EPS15L1: variants seen among roughly 807,000 people sequenced by gnomAD.
EPS15L1 encodes epidermal growth factor receptor substrate 15-like 1.
Under a neutral mutation model 117.1 loss-of-function variants are expected in EPS15L1, and 43 were observed. The observed-to-expected ratio is 0.37, with a 90% CI of 0.29 to 0.47. EPS15L1 has a LOEUF of 0.47. EPS15L1 is among the 20% of genes least tolerant of loss of function. EPS15L1 has a pLI of 0.99. For synonymous variants in EPS15L1, 459 were observed against 470.5 expected (o/e 0.98, Z 0.32); for missense variants, 981 against 1,164.0 (o/e 0.84, Z 2.29).
intron 22 of EPS15L1, among the ~76,000 whole-genome samples, chr19:16,369,279 G>A (rs2092186691): frequency 6.6e-6 from 1 of 152,148 alleles, no homozygotes; most frequent in African/African-American, 2.4e-5. Flanking sequence ...AGAATCTGAG[G>A]TCCCTGCGAT....
intron 1 of EPS15L1, among the ~76,000 whole-genome samples, chr19:16,459,588 C>G (rs2093229215): frequency 6.6e-6 from 1 of 152,138 alleles, no homozygotes; most frequent in Admixed American, 6.5e-5. Flanking sequence ...CCAAGCCACC[C>G]TGGGCCTCAG....
At chr19:16,392,524 GT>G (rs2144774914) in intron 18 of EPS15L1, 84 bp from the exon 19 acceptor site, 1 of 1,310,686 alleles carries the variant, frequency 7.6e-7, no homozygotes, top group East Asian at 2.3e-5. Context: ...GAATGATGCC[GT>G]TTACATGAAA....
intron 13 of EPS15L1, among the ~76,000 whole-genome samples, chr19:16,408,433 G>A (rs1229559925): frequency 6.6e-6 from 1 of 152,032 alleles, no homozygotes; most frequent in African/African-American, 2.4e-5. Context: ...AGACCAGCCT[G>A]GCTAACATGG....
At chr19:16,469,785 G>C (rs2093332930) in intron 1 of EPS15L1, among the ~76,000 whole-genome samples, 1 of 152,046 alleles carries the variant, frequency 6.6e-6, no homozygotes, top group Non-Finnish European at 1.5e-5. Context: ...AGTGTGCTCT[G>C]TCACCTAAAT....
chr19:16,382,813 C>A (rs868642869), intron 21 of EPS15L1, among the ~76,000 whole-genome samples: 1 of 152,080 alleles, frequency 6.6e-6, no homozygotes, highest in Non-Finnish European at 1.5e-5. Flanking sequence ...GCCCGAAGAG[C>A]CTCCCAAAGG....
chr19:16,457,408 C>G (rs1001802261), intron 1 of EPS15L1, among the ~76,000 whole-genome samples: 17 of 152,252 alleles, frequency 1.1e-4, no homozygotes, highest in African/African-American at 2.6e-4. Flanking sequence ...GAAGGCCCCC[C>G]CTCCATGGCT....
At chr19:16,433,604 G>C (rs1340191465) in intron 7 of EPS15L1, among the ~76,000 whole-genome samples, 2 of 152,046 alleles carry the variant, frequency 1.3e-5, no homozygotes, top group Non-Finnish European at 1.5e-5. Flanking sequence ...TGGGAGGATG[G>C]CTTCAGCCTG....
rs2092359470 is a variant in EPS15L1 at position 16,381,268 on chromosome 19, G to A, written c.2247+3861C>T. ...AAGGAAACTGAGGCACACAAAGGAG[G>A]CGCAGCCTGCCCACATCACACAGCA... On this transcript the variant is annotated intron_variant, in intron 21 of 23. Coordinates refer to ENST00000455140, the MANE Select transcript of EPS15L1 (RefSeq NM_001258374.3). The surrounding 1 kb of genome is among the most constrained non-coding windows in gnomAD (Gnocchi z 4.2). Among the ~76,000 whole-genome samples the A allele has an allele frequency of 6.6e-6, 1 of 152,248 alleles. No homozygotes were observed. Among genetic ancestry groups the A allele is most frequent in the African/African-American group, 2.4e-5 (1 of 41,462 alleles).
chr19:16,377,309 G>A (rs1457354949), intron 21 of EPS15L1, 55 bp from the exon 22 acceptor site: 15 of 1,599,516 alleles, frequency 9.4e-6, no homozygotes, highest in East Asian at 9.0e-5. Flanking sequence ...CAAAGGTGAC[G>A]GATGTCCACT....
intron 1 of EPS15L1, among the ~76,000 whole-genome samples, chr19:16,462,376 G>C (rs938388885): frequency 1.3e-5 from 2 of 152,100 alleles, no homozygotes; most frequent in Non-Finnish European, 2.9e-5. Flanking sequence ...CAGGGAAGTG[G>C]GGGGGAGGGC....
At chr19:16,432,593 C>A (rs1210771987) in intron 7 of EPS15L1, among the ~76,000 whole-genome samples, 1 of 94,620 alleles carries the variant, frequency 1.1e-5, no homozygotes, top group African/African-American at 4.1e-5. Context: ...TAAATAAATA[C>A]AAATACAAAT....
At chr19:16,450,457 G>A (rs1186680809) in intron 1 of EPS15L1, among the ~76,000 whole-genome samples, 3 of 148,136 alleles carry the variant, frequency 2.0e-5, no homozygotes, top group Non-Finnish European at 4.4e-5. Flanking sequence ...GAGGCCGTGA[G>A]CCCCAGGCAT....
At chr19:16,447,778 CAGA>C (rs1236964864) in intron 1 of EPS15L1, among the ~76,000 whole-genome samples, 1 of 149,364 alleles carries the variant, frequency 6.7e-6, no homozygotes, top group Non-Finnish European at 1.5e-5. Flanking sequence ...AAAAAAAAGG[CAGA>C]GAAGCTAAAA....
At chr19:16,458,954 C>T (rs2093222622) in intron 1 of EPS15L1, among the ~76,000 whole-genome samples, 1 of 152,194 alleles carries the variant, frequency 6.6e-6, no homozygotes, top group Admixed American at 6.5e-5. Context: ...TGAACTTACA[C>T]AAACCTAGAA....
In EPS15L1 at chr19:16,370,299, G is replaced by C. The variant is rs1381543648; in HGVS notation, c.2380+6823C>G. Reference sequence around the variant, plus strand: ...TGAATAGGAGAGATGAAAGATGAGGGGCCATGTTCACCCCGCCAGAAAAGC... The same window carrying C: ...TGAATAGGAGAGATGAAAGATGAGGCGCCATGTTCACCCCGCCAGAAAAGC... On this transcript the variant is annotated intron_variant, in intron 22 of 23. Transcript: ENST00000455140. This position sits in a 1 kb window ranked among gnomAD's most constrained non-coding sequence, Gnocchi z 5.2. 6.6e-6 allele frequency among the ~76,000 whole-genome samples: 1 copy of C among 152,088 alleles called. No individual in the cohort carries two copies. The highest frequency in any genetic ancestry group is 1.5e-5 in the Non-Finnish European group (1 of 68,004).
chr19:16,430,596 T>A (rs58813814), intron 7 of EPS15L1, among the ~76,000 whole-genome samples: 2,179 of 152,344 alleles, frequency 0.014, 48 homozygotes, highest in African/African-American at 0.05. Context: ...TCTCAGCCTC[T>A]TAGCTATTAC....
chr19:16,360,747 C>T (rs1174462861), intron 23 of EPS15L1, among the ~76,000 whole-genome samples: 1 of 152,100 alleles, frequency 6.6e-6, no homozygotes, highest in African/African-American at 2.4e-5. Flanking sequence ...GACCCTGTCA[C>T]TAAAATAAAT....
chr19:16,469,708 C>G (rs908869450), intron 1 of EPS15L1, among the ~76,000 whole-genome samples: 2 of 152,092 alleles, frequency 1.3e-5, no homozygotes, highest in Non-Finnish European at 2.9e-5. Flanking sequence ...AAACACACCC[C>G]TCCTCCCCTA....
chr19:16,470,489 G>A (rs1376121626), intron 1 of EPS15L1, among the ~76,000 whole-genome samples: 2 of 151,128 alleles, frequency 1.3e-5, no homozygotes, highest in East Asian at 1.9e-4. Context: ...ATTTTCCCCC[G>A]ACTCCCGCCT....
Sources: allele counts gnomAD v4.1 joint callset (sites outside exome capture counted in the v4.1 genomes callset), GRCh38; gene constraint gnomAD v4.1.1; non-coding constraint Gnocchi (gnomAD v3.1); transcripts MANE v1.5; gene names NCBI Gene and HGNC (gene_info 2026-07-23, HGNC 2026-07-21).